The following ATP6V1C1 variants were observed in gnomAD, a reference collection of about 807,000 sequenced individuals.
The protein encoded by ATP6V1C1 is ATPase H+ transporting V1 subunit C1.
In ATP6V1C1, 45 loss-of-function variants were observed where a neutral mutation model predicts 53.9. The observed-to-expected ratio is 0.83, with a 90% confidence interval of 0.66 to 1.07. The LOEUF (loss-of-function observed/expected upper bound fraction) is 1.07, where lower values mean the gene tolerates loss of function less well. Ranked by LOEUF, ATP6V1C1 falls within the 50% of genes least tolerant of loss-of-function variation. ATP6V1C1 has a pLI of 0.00. For synonymous variants in ATP6V1C1, 153 were observed against 155.2 expected, an observed-to-expected ratio of 0.99 and a Z score of 0.11; for missense variants, 315 against 440.3, an observed-to-expected ratio of 0.72 and a Z score of 2.55.
intron 7 of ATP6V1C1, among the ~76,000 whole-genome samples, chr8:103,054,736 A>G (rs749018965): frequency 1.3e-4 from 20 of 152,084 alleles, no homozygotes; most frequent in Admixed American, 5.9e-4. Flanking sequence ...GTGTAGCACT[A>G]TTAATGGTTT....
In ATP6V1C1 at chr8:103,066,457, T is replaced by C. The variant is rs1205753236; in HGVS notation, c.1053+10T>C. ...AGCAGCTATTATTGATGTAAGTACT[T>C]ATTAGCCCAGTAGAGTAAGAATTGA... On this transcript the variant is annotated intron_variant, in intron 12 of 12. Coordinates refer to ENST00000518738, the MANE Select transcript of ATP6V1C1 (RefSeq NM_001695.5). 6.3e-6 allele frequency: 10 copies of C among 1,576,276 alleles called. No individual in the cohort carries two copies. The highest frequency in any genetic ancestry group is 7.7e-6 in the Non-Finnish European group (9 of 1,166,600).
At chr8:103,056,758 G>A (rs1817295427) in intron 8 of ATP6V1C1, among the ~76,000 whole-genome samples, 1 of 152,146 alleles carries the variant, frequency 6.6e-6, no homozygotes, top group Non-Finnish European at 1.5e-5. Context: ...CACCCCAAAG[G>A]ATTCTTATAG....
chr8:103,055,593 A>G (rs774630022), intron 7 of ATP6V1C1, among the ~76,000 whole-genome samples: 2 of 152,148 alleles, frequency 1.3e-5, no homozygotes, highest in Non-Finnish European at 2.9e-5. Context: ...TTTAGAATCT[A>G]TACTGTGCTT....
intron 8 of ATP6V1C1, among the ~76,000 whole-genome samples, chr8:103,061,144 G>A (rs1214128592): frequency 6.6e-6 from 1 of 152,178 alleles, no homozygotes; most frequent in African/African-American, 2.4e-5. Flanking sequence ...CCTTCATTGG[G>A]TTTGATGGAC....
chr8:103,042,312 C>A lies in ATP6V1C1; in HGVS notation c.133-28C>A, dbSNP rs577318073. ...TTTTTTTTTTTAAAAAAGCATGCCA[C>A]CTAAATAACAATATATTTTCCTTTT... On this transcript the variant is annotated intron_variant, in intron 2 of 12. Transcript: ENST00000518738. 5 of 1,600,720 alleles carry A rather than the reference C, an allele frequency of 3.1e-6. No individual in the cohort carries two copies. In the East Asian group the frequency reaches 6.7e-5, roughly 21 times the overall value.
intron 2 of ATP6V1C1, 55 bp from the exon 3 acceptor site, chr8:103,042,285 G>GTTTT: frequency 8.8e-7 from 1 of 1,132,564 alleles, no homozygotes; most frequent in Admixed American, 2.2e-5. Context: ...GAATCATCTT[G>GTTTT]TTTTTTTTTT....
chr8:103,042,712 G>A (rs1207044162), intron 3 of ATP6V1C1, among the ~76,000 whole-genome samples: 1 of 152,036 alleles, frequency 6.6e-6, no homozygotes, highest in African/African-American at 2.4e-5. Flanking sequence ...TGTAACCATT[G>A]CCACAATCAG....
At chr8:103,041,747 C>T (rs1586314847) in intron 2 of ATP6V1C1, among the ~76,000 whole-genome samples, 4 of 151,992 alleles carry the variant, frequency 2.6e-5, no homozygotes, top group Non-Finnish European at 1.5e-5. Flanking sequence ...TGGTGGGCAC[C>T]TGTAATCCCA....
At chr8:103,067,164 C>G (rs558758988) in intron 12 of ATP6V1C1, among the ~76,000 whole-genome samples, 1 of 151,432 alleles carries the variant, frequency 6.6e-6, no homozygotes, top group African/African-American at 2.4e-5. Context: ...TTTGGGAGGC[C>G]GAGGCGGGGG....
At position 103,048,853 on chromosome 8, in the gene ATP6V1C1, T is replaced by TA. The variant is rs762481692; in HGVS notation, c.201-16dup. On this transcript the variant is annotated splice_polypyrimidine_tract_variant and intron_variant, in intron 3 of 12. Coordinates refer to ENST00000518738, the MANE Select transcript of ATP6V1C1 (RefSeq NM_001695.5). ...TCTTTTTCCTGAGAATGGTTGTTGA[T>TA]ATTTTTTCTTCCCCAGAGTGGTTAA... 24 of 1,601,296 alleles carry TA rather than the reference T, an allele frequency of 1.5e-5. No homozygotes were observed. In the South Asian group the frequency reaches 2.7e-4, roughly 18 times the overall value.
intron 1 of ATP6V1C1, among the ~76,000 whole-genome samples, chr8:103,036,220 G>A (rs936994689): frequency 3.3e-5 from 5 of 152,204 alleles, no homozygotes; most frequent in Admixed American, 2.6e-4. Flanking sequence ...CAGTCGTGCA[G>A]CCTTGGGTAA....
At chr8:103,055,978 C>T (rs1817284108) in intron 8 of ATP6V1C1, 42 bp downstream of exon 8, 6 of 1,576,332 alleles carry the variant, frequency 3.8e-6, no homozygotes, top group Non-Finnish European at 5.2e-6. Flanking sequence ...TCCTAGAATT[C>T]CTTTTAGAGT....
intron 8 of ATP6V1C1, among the ~76,000 whole-genome samples, chr8:103,060,299 G>A (rs539431431): frequency 6.6e-6 from 1 of 152,240 alleles, no homozygotes; most frequent in African/African-American, 2.4e-5. Context: ...CAATTCCTCA[G>A]ATGCACCATG....
chr8:103,052,706 T>C (rs769932437), intron 5 of ATP6V1C1, 25 bp from the exon 6 acceptor site: 2 of 1,502,902 alleles, frequency 1.3e-6, no homozygotes, highest in South Asian at 2.5e-5. Flanking sequence ...ATTTTATCTA[T>C]TTTTCTTCTT....
chr8:103,050,228 T>G (rs1817176391), intron 4 of ATP6V1C1, among the ~76,000 whole-genome samples: 2 of 152,240 alleles, frequency 1.3e-5, no homozygotes, highest in South Asian at 4.1e-4. Context: ...TAGATATTAA[T>G]AAGTTAATTT....
intron 3 of ATP6V1C1, among the ~76,000 whole-genome samples, chr8:103,044,429 A>G (rs760364054): frequency 2.0e-5 from 3 of 152,188 alleles, no homozygotes; most frequent in Non-Finnish European, 2.9e-5. Flanking sequence ...TAAGGGTCCA[A>G]CTTGATTCTT....
At chr8:103,067,106 T>C (rs1041234785) in intron 12 of ATP6V1C1, among the ~76,000 whole-genome samples, 6 of 152,174 alleles carry the variant, frequency 3.9e-5, no homozygotes, top group African/African-American at 1.4e-4. Flanking sequence ...CTGTTTAAAA[T>C]TGTAGTGGGC....
chr8:103,063,628 C>T (rs1371318630), intron 10 of ATP6V1C1, among the ~76,000 whole-genome samples: 1 of 152,108 alleles, frequency 6.6e-6, no homozygotes, highest in Admixed American at 6.5e-5. Context: ...AGACTTTTCA[C>T]TTTCTTGAGG....
intron 7 of ATP6V1C1, 139 bp from the exon 8 acceptor site, chr8:103,055,729 A>AT (rs918944670): frequency 7.4e-5 from 51 of 685,676 alleles, no homozygotes; most frequent in Non-Finnish European, 9.9e-5. Flanking sequence ...GGAAACCCGA[A>AT]TTTTTTTTGT....
Sources: gnomAD v4.1 joint callset for allele counts (sites outside exome capture counted in the v4.1 genomes callset) on GRCh38, gnomAD v4.1.1 for gene constraint, MANE v1.5 for transcripts, NCBI Gene and HGNC (gene_info 2026-07-23, HGNC 2026-07-21) for gene names.